Variants in AMDHD2 observed in about 807,000 individuals in gnomAD.
AMDHD2 encodes amidohydrolase domain containing 2.
Under a neutral mutation model 41.8 loss-of-function variants are expected in AMDHD2, and 24 were observed. That is an observed-to-expected ratio of 0.57 (90% CI 0.42 to 0.81). The LOEUF is 0.81. AMDHD2 is among the 30% of genes least tolerant of loss of function. The pLI, the probability that AMDHD2 is intolerant of heterozygous loss-of-function variation, is 0.00. For synonymous variants in AMDHD2, 332 were observed against 255.5 expected, an observed-to-expected ratio of 1.30 and a Z score of -2.85; for missense variants, 540 against 588.5, an observed-to-expected ratio of 0.92 and a Z score of 0.85.
rs1302230600 is a variant in AMDHD2 at position 2,527,699 on chromosome 16, G to T, written c.416-74G>T. ...CAGCCCCCACCCCTCCAGATGCCCA[G>T]CTGGTGGGGAGGGCAGGTGATAAGG... On this transcript the variant is annotated intron_variant, in intron 4 of 10. Transcript: ENST00000293971. This position sits in a 1 kb window ranked among gnomAD's most constrained non-coding sequence, Gnocchi z 6.1. 1.3e-6 allele frequency: 2 copies of T among 1,556,996 alleles called. No individual in the cohort carries two copies. Among genetic ancestry groups the T allele is most frequent in the Non-Finnish European group, 1.7e-6 (2 of 1,149,458 alleles).
rs1195843352 is a variant in AMDHD2 at position 2,520,783 on chromosome 16, T to G, written c.98T>G (p.Val33Gly). The change falls in exon 2 of 11, where the codon GTG becomes GGG. Residue 33 changes from valine (V) to glycine (G), a missense_variant. By Grantham distance (109) the Val-to-Gly change is moderately radical. Coordinates refer to ENST00000293971, the MANE Select transcript of AMDHD2 (RefSeq NM_001330449.2). ...TGCGTCCCCAGGGAGGATCTGTGGG[T>G]GCGCGGAGGCCGCATCTTGGACCCA... ...GGKLLREDLW[V>G]RGGRILDPEK... 1.2e-6 allele frequency: 2 copies of G among 1,601,338 alleles called. No individual in the cohort carries two copies. Among genetic ancestry groups the G allele is most frequent in the African/African-American group, 2.7e-5 (2 of 74,626 alleles).
At chr16:2,524,920 G>A (rs763673765) in intron 3 of AMDHD2, among the ~76,000 whole-genome samples, 1 of 151,536 alleles carries the variant, frequency 6.6e-6, no homozygotes, top group African/African-American at 2.4e-5. Flanking sequence ...CATCGGAGTG[G>A]TGTGAAGGGA....
chr16:2,522,108 G>C (rs962780413), intron 3 of AMDHD2, among the ~76,000 whole-genome samples: 2 of 152,116 alleles, frequency 1.3e-5, no homozygotes, highest in African/African-American at 2.4e-5. Context: ...TTAAGAGACA[G>C]GGTTTCTCTC....
Position 2,524,435 on chromosome 16 carries a change from A to G in AMDHD2, c.361-3126A>G, listed in dbSNP as rs891216576. Among the ~76,000 whole-genome samples, 3 of 152,014 alleles carry G rather than the reference A, an allele frequency of 2.0e-5. No homozygotes were observed. In the South Asian group the frequency reaches 6.2e-4, roughly 32 times the overall value. ...GCCTCTGGCCCCGCACACCCTCTAC[A>G]CTTTGACCTTTCCGGCTGTTTACCT... On this transcript the variant is annotated intron_variant, in intron 3 of 10. Transcript: ENST00000293971.
chr16:2,526,675 C>A (rs973404512), intron 3 of AMDHD2, among the ~76,000 whole-genome samples: 1 of 151,812 alleles, frequency 6.6e-6, no homozygotes. Flanking sequence ...TGGTGGCTCA[C>A]GCCTGTAATC....
rs1336891491 is a variant in AMDHD2, at chr16:2,531,262, G to A, written c.*1699G>A. On this transcript the variant is annotated 3_prime_UTR_variant, in exon 11 of 11. Transcript: ENST00000293971. ...ATGGTTGGTCCACAGGGCTAGCCCT[G>A]GGTGGTGGGAGAGGGGCCCAGGGTC... is the stretch of plus-strand genomic sequence containing the variant. 4 of 700,934 alleles carry A rather than the reference G, an allele frequency of 5.7e-6. No homozygotes were observed. Among genetic ancestry groups the A allele is most frequent in the Non-Finnish European group, 9.4e-6 (4 of 424,832 alleles). 43.4% of individuals were successfully genotyped at this position (700,934 alleles called of 1,614,324 possible).
At position 2,530,803 on chromosome 16, in the gene AMDHD2, A is replaced by G. The variant is rs1239565283; in HGVS notation, c.*1240A>G. 1 of 1,613,584 alleles carries G rather than the reference A, an allele frequency of 6.2e-7. No individual in the cohort carries two copies. The highest frequency in any genetic ancestry group is 1.3e-5 in the African/African-American group (1 of 74,886). Reference sequence around the variant, plus strand: ...GCACAAGGGGTTGATCTCAGCCCACAAGCCCCAGGGGCAGCCCAGGAAAGC... The same window carrying G: ...GCACAAGGGGTTGATCTCAGCCCACGAGCCCCAGGGGCAGCCCAGGAAAGC... On this transcript the variant is annotated 3_prime_UTR_variant, in exon 11 of 11. Transcript: ENST00000293971.
At position 2,531,017 on chromosome 16, in the gene AMDHD2, A is replaced by G. The variant is rs565124426; in HGVS notation, c.*1454A>G. ...AGGTGAGGTTCTCAGCCGATGTGTT[A>G]GAGGTTGAGCATCGCCTGTGCCCAG... is the stretch of plus-strand genomic sequence containing the variant. On this transcript the variant is annotated 3_prime_UTR_variant, in exon 11 of 11. Coordinates refer to ENST00000293971, the MANE Select transcript of AMDHD2 (RefSeq NM_001330449.2). 4 of 1,607,560 alleles carry G rather than the reference A, an allele frequency of 2.5e-6. No individual in the cohort carries two copies. The African/African-American group carries it at 5.3e-5, about 21-fold the overall frequency.
chr16:2,523,971 T>C (rs1482432889), intron 3 of AMDHD2, among the ~76,000 whole-genome samples: 1 of 152,238 alleles, frequency 6.6e-6, no homozygotes, highest in East Asian at 1.9e-4. Flanking sequence ...ATGGCTCTTC[T>C]TCCTTAGGAA....
In AMDHD2 at chr16:2,521,191, T is replaced by TCACGCCC. The variant is rs2065931764; in HGVS notation, c.360+72_360+78dup. On this transcript the variant is annotated intron_variant, in intron 3 of 10. Transcript: ENST00000293971. ...GCAACCAGCGCCCTCATTTTCAAAC[T>TCACGCCC]CACGCCCCACCCCCCACCCCCAGCA... 17 of 1,474,442 alleles carry TCACGCCC rather than the reference T, an allele frequency of 1.2e-5. 1 individual carries two copies. The highest frequency in any genetic ancestry group is 1.5e-5 in the Non-Finnish European group (17 of 1,110,680). 91.3% of individuals were successfully genotyped at this position (1,474,442 alleles called of 1,614,324 possible). A position where few individuals can be genotyped will look rare whatever the true frequency, so the allele number is the denominator to read the frequency against.
chr16:2,520,667 A>T (rs1596987730), intron 1 of AMDHD2, 102 bp from the exon 2 acceptor site: 1 of 1,175,042 alleles, frequency 8.5e-7, no homozygotes, highest in Non-Finnish European at 1.1e-6. Flanking sequence ...GGGGCCGGGG[A>T]CCGGGCGGGG....
chr16:2,529,471 C>G lies in AMDHD2; in HGVS notation c.1142-4C>G. On this transcript the variant is annotated splice_polypyrimidine_tract_variant and splice_region_variant and intron_variant, in intron 10 of 10. Coordinates refer to ENST00000293971, the MANE Select transcript of AMDHD2 (RefSeq NM_001330449.2). ...CCCCTACTCATTGCCCGGCTCTGTC[C>G]CAGACTTCGTGGTGCTCGACGACTC... The G allele has an allele frequency of 6.2e-7, 1 of 1,609,920 alleles. No homozygotes were observed. Among genetic ancestry groups the G allele is most frequent in the Non-Finnish European group, 8.5e-7 (1 of 1,179,964 alleles).
chr16:2,523,281 C>T (rs935570473), intron 3 of AMDHD2, among the ~76,000 whole-genome samples: 3 of 152,176 alleles, frequency 2.0e-5, no homozygotes, highest in Non-Finnish European at 4.4e-5. Context: ...CCGCCGTTTT[C>T]CCCTCCAGCA....
In AMDHD2 at chr16:2,520,754, C is replaced by T; in HGVS notation, c.84-15C>T. The T allele has an allele frequency of 6.4e-7, 1 of 1,558,890 alleles. No individual in the cohort carries two copies. The highest frequency in any genetic ancestry group is 1.4e-5 in the African/African-American group (1 of 73,858). On this transcript the variant is annotated splice_polypyrimidine_tract_variant and intron_variant, in intron 1 of 10. Transcript: ENST00000293971. ...TCAGGCCCGCGATGCGAGCGCCCACCCACTGCGTCCCCAGGGAGGATCTGT... is the reference window on the plus strand; with the variant it reads ...TCAGGCCCGCGATGCGAGCGCCCACTCACTGCGTCCCCAGGGAGGATCTGT...
Position 2,529,690 on chromosome 16 carries a change from G to C in AMDHD2, c.*127G>C. The stretch of plus-strand genomic sequence containing the variant: ...ATTGATGCCCAGGGCCTGTGCGGCC[G>C]CCCTGGAGGCGGTGGCTGGGATAAA... On this transcript the variant is annotated 3_prime_UTR_variant, in exon 11 of 11. Coordinates refer to ENST00000293971, the MANE Select transcript of AMDHD2 (RefSeq NM_001330449.2). The C allele has an allele frequency of 6.7e-7, 1 of 1,501,304 alleles. No homozygotes were observed. Among genetic ancestry groups the C allele is most frequent in the African/African-American group, 1.4e-5 (1 of 72,430 alleles). The allele number at this position is 1,501,304 out of a possible 1,614,324, so 93.0% of individuals were successfully genotyped here. A position where few individuals can be genotyped will look rare whatever the true frequency, so the allele number is the denominator to read the frequency against.
chr16:2,522,625 C>T (rs897706636), intron 3 of AMDHD2, among the ~76,000 whole-genome samples: 2 of 151,556 alleles, frequency 1.3e-5, no homozygotes, highest in South Asian at 2.1e-4. Flanking sequence ...TGCAGTGAGC[C>T]GAGATTGCGC....
intron 3 of AMDHD2, among the ~76,000 whole-genome samples, chr16:2,521,652 G>A (rs1225054292): frequency 6.6e-6 from 1 of 151,552 alleles, no homozygotes; most frequent in Non-Finnish European, 1.5e-5. Flanking sequence ...TTTTACTTAG[G>A]TTCTACAGGG....
chr16:2,528,545 C>A lies in AMDHD2; in HGVS notation c.956C>A (p.Thr319Lys). ...GQQEVEVDGL[T>K]AYVAGTKTLS... is the part of the protein sequence containing the mutation. Reference sequence around the variant, plus strand: ...CAGGAAGTGGAAGTGGACGGTCTGACGGCCTACGTGGCAGGTGAGCGCCCT... The same window carrying A: ...CAGGAAGTGGAAGTGGACGGTCTGAAGGCCTACGTGGCAGGTGAGCGCCCT... The change falls in exon 8 of 11, where the codon ACG becomes AAG. Residue 319 changes from threonine (T) to lysine (K), a missense_variant. Thr to Lys is a moderately conservative substitution (Grantham distance 78). Coordinates refer to ENST00000293971, the MANE Select transcript of AMDHD2 (RefSeq NM_001330449.2). 2 of 1,612,652 alleles carry A rather than the reference C, an allele frequency of 1.2e-6. No homozygotes were observed. Among genetic ancestry groups the A allele is most frequent in the Non-Finnish European group, 1.7e-6 (2 of 1,179,926 alleles).
Position 2,520,859 on chromosome 16 carries a change from C to G in AMDHD2, c.174C>G (p.Cys58Trp), listed in dbSNP as rs573938706. The G allele has an allele frequency of 6.2e-7, 1 of 1,609,998 alleles. No homozygotes were observed. The highest frequency in any genetic ancestry group is 8.5e-7 in the Non-Finnish European group (1 of 1,178,490). Residue 58 changes from cysteine (C) to tryptophan (W), a missense_variant, in exon 2 of 11, where the codon TGC becomes TGG. By Grantham distance (215) the Cys-to-Trp change is radical (BLOSUM62 -2). Transcript: ENST00000293971. Reference protein sequence around the residue: ...ERRVADERRDCGGRILAPGFI... With the variant: ...ERRVADERRDWGGRILAPGFI... The stretch of plus-strand genomic sequence containing the variant: ...GCGTGGCCGACGAGCGGCGGGACTG[C>G]GGGGGCCGCATCTTGGCTCCCGGAT...
Sources: gnomAD v4.1 joint callset for allele counts (sites outside exome capture counted in the v4.1 genomes callset) on GRCh38, gnomAD v4.1.1 for gene constraint, Gnocchi (gnomAD v3.1) non-coding constraint, MANE v1.5 for transcripts, NCBI Gene and HGNC (gene_info 2026-07-23, HGNC 2026-07-21) for gene names.